PTPRT: variants seen among roughly 807,000 people sequenced by gnomAD.
PTPRT encodes receptor-type tyrosine-protein phosphatase T.
A neutral mutation model predicts 176.8 loss-of-function variants in PTPRT; 56 were observed. The ratio of observed to expected loss-of-function variants is 0.32; its 90% CI spans 0.26 to 0.40. The LOEUF (loss-of-function observed/expected upper bound fraction) is 0.40, where lower values mean the gene tolerates loss of function less well. Among genes scored for constraint, PTPRT ranks in the 10% least tolerant of loss-of-function variants. The probability of loss-of-function intolerance (pLI) is 1.00; values close to 1 mark genes in which losing one functional copy is unlikely to be tolerated. For synonymous variants in PTPRT, 783 were observed against 739.0 expected, an observed-to-expected ratio of 1.06 and a Z score of -0.96; for missense variants, 1,540 against 1,908.2, an observed-to-expected ratio of 0.81 and a Z score of 3.60.
At chr20:42,965,086 C>A (rs940413092) in intron 1 of PTPRT, among the ~76,000 whole-genome samples, 13 of 152,152 alleles carry the variant, frequency 8.5e-5, no homozygotes, top group Admixed American at 6.5e-5. Flanking sequence ...AGTAAACTCA[C>A]TGCTTTTTCA....
intron 1 of PTPRT, among the ~76,000 whole-genome samples, chr20:43,145,603 A>G (rs764711504): frequency 1.3e-5 from 2 of 152,226 alleles, no homozygotes; most frequent in African/African-American, 2.4e-5. Context: ...GCCCATTTTC[A>G]GGATGAAAAA....
At chr20:43,026,010 T>C (rs1275434431) in intron 1 of PTPRT, among the ~76,000 whole-genome samples, 2 of 152,182 alleles carry the variant, frequency 1.3e-5, no homozygotes, top group African/African-American at 2.4e-5. Context: ...AGTTATGTCC[T>C]GCCTAACTGT....
chr20:42,288,566 TCC>T (rs1208259011), intron 12 of PTPRT, among the ~76,000 whole-genome samples: 28 of 152,008 alleles, frequency 1.8e-4, no homozygotes, highest in African/African-American at 6.8e-4. Context: ...CATCTTTATG[TCC>T]ATGTGTACCC....
At chr20:43,180,341 A>ATCTCTCTCTC (rs71193679) in intron 1 of PTPRT, among the ~76,000 whole-genome samples, 49,530 of 114,718 alleles carry the variant, frequency 0.43, 11,943 homozygotes, top group Non-Finnish European at 0.51. Flanking sequence ...AAATGAATCA[A>ATCTCTCTCTC]TCTCTCTCTC....
chr20:42,759,120 A>G (rs192372065), intron 5 of PTPRT, among the ~76,000 whole-genome samples: 26 of 152,344 alleles, frequency 1.7e-4, no homozygotes, highest in African/African-American at 6.3e-4. Flanking sequence ...GGGGGTCATC[A>G]AAAGGAGCCC....
intron 7 of PTPRT, among the ~76,000 whole-genome samples, chr20:42,663,544 T>A (rs773978487): frequency 1.3e-5 from 2 of 152,180 alleles, no homozygotes; most frequent in African/African-American, 4.8e-5. Context: ...TGTTCTAGAA[T>A]CCAGGGCAGG....
intron 1 of PTPRT, among the ~76,000 whole-genome samples, chr20:43,073,150 T>C (rs926213869): frequency 6.6e-6 from 1 of 152,100 alleles, no homozygotes; most frequent in Non-Finnish European, 1.5e-5. Flanking sequence ...CACACGCTCA[T>C]GAAGGAAAAA....
chr20:42,210,586 A>T (rs2055597692), intron 15 of PTPRT, among the ~76,000 whole-genome samples: 1 of 151,802 alleles, frequency 6.6e-6, no homozygotes, highest in African/African-American at 2.4e-5. Context: ...TCCAACTTAC[A>T]AGGGATGTGA....
intron 2 of PTPRT, among the ~76,000 whole-genome samples, chr20:42,870,013 G>C (rs1395503794): frequency 6.6e-6 from 1 of 152,092 alleles, no homozygotes; most frequent in Non-Finnish European, 1.5e-5. Context: ...GTCCTCATCA[G>C]ACACCAAACA....
intron 1 of PTPRT, among the ~76,000 whole-genome samples, chr20:42,950,876 G>A (rs540836198): frequency 1.3e-5 from 2 of 152,154 alleles, no homozygotes; most frequent in Non-Finnish European, 2.9e-5. Context: ...AAAAGGCACA[G>A]GTTATATTTT....
the PTPRT span, among the ~76,000 whole-genome samples, chr20:42,054,659 C>T: frequency 6.6e-6 from 1 of 152,158 alleles, no homozygotes; most frequent in Admixed American, 6.5e-5. Context: ...TATTCCATCA[C>T]CTCTTCCCTA....
At chr20:43,064,093 C>T (rs1158349316) in intron 1 of PTPRT, among the ~76,000 whole-genome samples, 1 of 152,034 alleles carries the variant, frequency 6.6e-6, no homozygotes, top group Non-Finnish European at 1.5e-5. Flanking sequence ...TACCCAATTT[C>T]CTCTTCTTCT....
chr20:42,429,675 T>C (rs2059198469), intron 9 of PTPRT, among the ~76,000 whole-genome samples: 1 of 152,234 alleles, frequency 6.6e-6, no homozygotes. Context: ...ACCTATCCTA[T>C]GCCAGGAAGT....
chr20:42,868,022 G>A (rs2078779713), intron 2 of PTPRT, among the ~76,000 whole-genome samples: 2 of 152,190 alleles, frequency 1.3e-5, no homozygotes, highest in Non-Finnish European at 2.9e-5. Context: ...ACAGCAATAT[G>A]AATGGACAAG....
intron 18 of PTPRT, among the ~76,000 whole-genome samples, chr20:42,129,651 T>C (rs1173733046): frequency 6.6e-6 from 1 of 152,216 alleles, no homozygotes; most frequent in African/African-American, 2.4e-5. Flanking sequence ...CGTATCATTG[T>C]GCAGTCACTG....
At chr20:42,620,800 T>C (rs6093700) in intron 7 of PTPRT, among the ~76,000 whole-genome samples, 24,161 of 152,110 alleles carry the variant, frequency 0.16, 3,586 homozygotes, top group African/African-American at 0.39. Flanking sequence ...TGCTTCGGCT[T>C]GCGCACGGTG....
At chr20:42,246,726 A>G (rs1439443166) in intron 14 of PTPRT, among the ~76,000 whole-genome samples, 3 of 152,250 alleles carry the variant, frequency 2.0e-5, no homozygotes, top group African/African-American at 7.2e-5. Flanking sequence ...CAAAATTGGA[A>G]GAGCATATCT....
chr20:42,470,037 AAAAAAAG>A (rs2071166722), intron 8 of PTPRT, among the ~76,000 whole-genome samples: 1 of 152,170 alleles, frequency 6.6e-6, no homozygotes, highest in African/African-American at 2.4e-5. Context: ...AATGAAAATG[AAAAAAAG>A]AAAACATGTC....
chr20:42,188,622 G>A (rs897273317), intron 16 of PTPRT, among the ~76,000 whole-genome samples: 2 of 152,092 alleles, frequency 1.3e-5, no homozygotes, highest in Non-Finnish European at 2.9e-5. Context: ...TTTGAGCAGA[G>A]GGGGGGAAAT....
Sources: allele counts gnomAD v4.1 joint callset (sites outside exome capture counted in the v4.1 genomes callset), GRCh38; gene constraint gnomAD v4.1.1; transcripts MANE v1.5; gene names NCBI Gene and HGNC (gene_info 2026-07-23, HGNC 2026-07-21).